ARL8B: variants seen among roughly 807,000 people sequenced by gnomAD.
ARL8B encodes ADP-ribosylation factor-like protein 8B.
A neutral mutation model predicts 30.6 loss-of-function variants in ARL8B; 9 were observed. The observed-to-expected ratio is 0.29, with a 90% CI of 0.18 to 0.51. ARL8B has a LOEUF of 0.51. Ranked by LOEUF, ARL8B falls within the 20% of genes least tolerant of loss-of-function variation. ARL8B has a pLI of 0.97. For synonymous variants in ARL8B, 74 were observed against 76.0 expected (o/e 0.97, Z 0.14); for missense variants, 130 against 227.2 (o/e 0.57, Z 2.75).
chr3:5,142,803 C>T (rs2054385994), intron 1 of ARL8B, among the ~76,000 whole-genome samples: 1 of 152,110 alleles, frequency 6.6e-6, no homozygotes. Context: ...GATGTCTGCC[C>T]CTCACGTATA....
At chr3:5,126,343 T>C (rs1197708457) in intron 1 of ARL8B, among the ~76,000 whole-genome samples, 5 of 150,802 alleles carry the variant, frequency 3.3e-5, no homozygotes, top group African/African-American at 1.2e-4. Context: ...TACAGATGTA[T>C]TGAGTACTAT....
At chr3:5,146,973 C>T (rs975422477) in intron 1 of ARL8B, among the ~76,000 whole-genome samples, 2 of 152,020 alleles carry the variant, frequency 1.3e-5, no homozygotes, top group Non-Finnish European at 2.9e-5. Flanking sequence ...GAACCTCTGA[C>T]CCCAATAGTC....
chr3:5,123,600 G>C (rs565745187), intron 1 of ARL8B, among the ~76,000 whole-genome samples: 1 of 152,188 alleles, frequency 6.6e-6, no homozygotes, highest in Non-Finnish European at 1.5e-5. Context: ...GTTCTGAAGA[G>C]AGATGGCAGC....
At chr3:5,132,338 T>A (rs1336367391) in intron 1 of ARL8B, among the ~76,000 whole-genome samples, 1 of 152,088 alleles carries the variant, frequency 6.6e-6, no homozygotes, top group Non-Finnish European at 1.5e-5. Flanking sequence ...CACTACAACC[T>A]CCGCCTCCCT....
At chr3:5,139,642 G>C (rs1266927250) in intron 1 of ARL8B, among the ~76,000 whole-genome samples, 1 of 152,192 alleles carries the variant, frequency 6.6e-6, no homozygotes. Flanking sequence ...GGATACTGCA[G>C]TTTCAGTAAG....
intron 1 of ARL8B, among the ~76,000 whole-genome samples, chr3:5,161,838 T>A (rs954289458): frequency 2.6e-5 from 4 of 152,230 alleles, no homozygotes; most frequent in African/African-American, 9.6e-5. Context: ...CCTTCTTGGA[T>A]ACTCAATCAC....
At chr3:5,147,162 C>T (rs542994321) in intron 1 of ARL8B, among the ~76,000 whole-genome samples, 1 of 152,152 alleles carries the variant, frequency 6.6e-6, no homozygotes, top group South Asian at 2.1e-4. Flanking sequence ...CTAATGCTAT[C>T]CCCCGCCTCC....
In ARL8B at chr3:5,160,021, A is replaced by G. The variant is rs1405418851; in HGVS notation, c.124-10482A>G. Among the ~76,000 whole-genome samples, 3 of 152,296 alleles carry G rather than the reference A, an allele frequency of 2.0e-5. No individual in the cohort carries two copies. The East Asian group carries it at 5.8e-4, about 29-fold the overall frequency. ...TGACTGGTATACTAATAACCTCAAC[A>G]CTCATGCTCCCTACTTAAGAACCCC... On this transcript the variant is annotated intron_variant, in intron 1 of 6. Coordinates refer to ENST00000256496, the MANE Select transcript of ARL8B (RefSeq NM_018184.3).
intron 1 of ARL8B, among the ~76,000 whole-genome samples, chr3:5,169,312 TGTG>T (rs1559285622): frequency 0.022 from 2,393 of 106,378 alleles, 81 homozygotes; most frequent in African/African-American, 0.087. Context: ...TGTTTGTGTG[TGTG>T]TGTGTGTGTG....
chr3:5,164,085 G>A (rs968158829), intron 1 of ARL8B, among the ~76,000 whole-genome samples: 3 of 152,182 alleles, frequency 2.0e-5, no homozygotes, highest in African/African-American at 4.8e-5. Context: ...CATATGAAAA[G>A]TTGTTCCCCA....
intron 1 of ARL8B, among the ~76,000 whole-genome samples, chr3:5,135,099 T>A (rs2054313394): frequency 6.6e-6 from 1 of 152,182 alleles, no homozygotes; most frequent in African/African-American, 2.4e-5. Context: ...TCTGCCCACC[T>A]CAGCCTCCCA....
At chr3:5,138,045 G>A (rs1456007829) in intron 1 of ARL8B, among the ~76,000 whole-genome samples, 2 of 146,976 alleles carry the variant, frequency 1.4e-5, no homozygotes, top group African/African-American at 2.5e-5. Flanking sequence ...TTTTTTTTTC[G>A]GTGCCATAAC....
At chr3:5,167,254 A>G (rs2054632339) in intron 1 of ARL8B, among the ~76,000 whole-genome samples, 1 of 152,212 alleles carries the variant, frequency 6.6e-6, no homozygotes, top group Non-Finnish European at 1.5e-5. Context: ...AGCGAGTGCC[A>G]CGTGTGATCA....
At chr3:5,171,578 C>A (rs953789520) in intron 2 of ARL8B, among the ~76,000 whole-genome samples, 6 of 152,098 alleles carry the variant, frequency 3.9e-5, no homozygotes, top group Admixed American at 3.9e-4. Context: ...GAACTCCTGA[C>A]CCCAAGTGAT....
At chr3:5,146,727 A>G (rs143426242) in intron 1 of ARL8B, among the ~76,000 whole-genome samples, 31 of 152,286 alleles carry the variant, frequency 2.0e-4, no homozygotes, top group South Asian at 1.9e-3. Context: ...TTGGGAACAT[A>G]TAAGAGTGAC....
intron 1 of ARL8B, among the ~76,000 whole-genome samples, chr3:5,145,677 T>C (rs942353402): frequency 2.6e-5 from 4 of 152,236 alleles, no homozygotes; most frequent in Admixed American, 6.5e-5. Flanking sequence ...GAATTTCTTC[T>C]GGGGACCATT....
chr3:5,138,414 G>T (rs2054345761), intron 1 of ARL8B, among the ~76,000 whole-genome samples: 1 of 152,088 alleles, frequency 6.6e-6, no homozygotes. Flanking sequence ...TTAAACTTAG[G>T]TTCAAATTCC....
rs1190012797 is a variant in ARL8B at position 5,179,656 on chromosome 3, C to T, written c.*943C>T. Reference sequence around the variant, plus strand: ...GCTGCATGACACTCTTAACTCCTGACTTTTTATATCCAGTCATAAAGTTGA... The same window carrying T: ...GCTGCATGACACTCTTAACTCCTGATTTTTTATATCCAGTCATAAAGTTGA... On this transcript the variant is annotated 3_prime_UTR_variant, in exon 7 of 7. Transcript: ENST00000256496. The T allele has an allele frequency of 6.6e-6, 1 of 152,574 alleles. No individual in the cohort carries two copies. The highest frequency in any genetic ancestry group is 2.4e-5 in the African/African-American group (1 of 41,440). 9.5% of individuals were successfully genotyped at this position (152,574 alleles called of 1,614,324 possible). A position where few individuals can be genotyped will look rare whatever the true frequency, so the allele number is the denominator to read the frequency against.
chr3:5,157,780 A>G (rs141422614), intron 1 of ARL8B: 1 of 152,224 alleles, frequency 6.6e-6, no homozygotes, highest in African/African-American at 2.4e-5. Context: ...AGAAAGAGAA[A>G]TCTCCTCTTG....
Sources: gnomAD v4.1 joint callset for allele counts (sites outside exome capture counted in the v4.1 genomes callset) on GRCh38, gnomAD v4.1.1 for gene constraint, MANE v1.5 for transcripts, NCBI Gene and HGNC (gene_info 2026-07-23, HGNC 2026-07-21) for gene names.